The following COL6A6 variants were observed in gnomAD, a reference collection of about 807,000 sequenced individuals.
COL6A6 encodes the protein collagen alpha-6(VI) chain.
COL6A6 carries 183 observed loss-of-function variants against 208.6 expected under a neutral mutation model. The observed-to-expected ratio is 0.88, with a 90% CI of 0.78 to 0.99. COL6A6 has a LOEUF of 0.99. Among genes scored for constraint, COL6A6 ranks in the 50% least tolerant of loss-of-function variants. The pLI is 0.00. For synonymous variants in COL6A6, 973 were observed against 1,011.8 expected (o/e 0.96, Z 0.73); for missense variants, 2,816 against 2,815.2 (o/e 1.00, Z -0.01).
In COL6A6 at chr3:130,588,044, T is replaced by C. The variant is rs540610375; in HGVS notation, c.4126-1046T>C. On this transcript the variant is annotated intron_variant, in intron 11 of 36. Transcript: ENST00000358511. The stretch of plus-strand genomic sequence containing the variant: ...TAGTAATAGATTTGATGCTGTAGAA[T>C]TTTGGTGATCCAAAGAAAATTGATG... Among the ~76,000 whole-genome samples, 12 of 152,338 alleles carry C rather than the reference T, an allele frequency of 7.9e-5. No homozygotes were observed. The East Asian group carries it at 2.3e-3, about 29-fold the overall frequency.
At position 130,662,068 on chromosome 3, in the gene COL6A6, A is replaced by C; in HGVS notation, c.6262A>C (p.Ile2088Leu). ...GAGAAGAAACAAAGTCATATTTGTG[A>C]TATCTGCTGGGGAAACCAGCCACTT... The part of the protein sequence containing the change: ...NLRRNKVIFV[I>L]SAGETSHLDG... Residue 2088 changes from isoleucine (I) to leucine (L), a missense_variant, in exon 35 of 37, where the codon ATA becomes CTA. Physicochemically the swap from Ile to Leu is conservative, Grantham distance 5 (BLOSUM62 2). Transcript: ENST00000358511. 1 of 1,614,030 alleles carries C rather than the reference A, an allele frequency of 6.2e-7. No homozygotes were observed. Among genetic ancestry groups the C allele is most frequent in the South Asian group, 1.1e-5 (1 of 91,088 alleles).
chr3:130,621,905 C>A, intron 24 of COL6A6, 22 bp downstream of exon 24: 1 of 1,602,172 alleles, frequency 6.2e-7, no homozygotes, highest in Non-Finnish European at 8.6e-7. Flanking sequence ...TCTTTATACT[C>A]ACCAAAGTTG....
intron 29 of COL6A6, 53 bp from the exon 30 acceptor site, chr3:130,642,779 T>A (rs1278125730): frequency 5.9e-6 from 9 of 1,521,658 alleles, no homozygotes; most frequent in South Asian, 2.3e-5. Flanking sequence ...GCACACTGGC[T>A]ACTGATGTGT....
intron 1 of COL6A6, among the ~76,000 whole-genome samples, chr3:130,530,895 A>G (rs1271997228): frequency 6.6e-6 from 1 of 151,762 alleles, no homozygotes; most frequent in East Asian, 1.9e-4. Context: ...GGCAACATCA[A>G]CTCCTGCTGG....
chr3:130,667,627 T>C (rs781131528), intron 36 of COL6A6, among the ~76,000 whole-genome samples: 2 of 152,188 alleles, frequency 1.3e-5, no homozygotes, highest in Non-Finnish European at 2.9e-5. Flanking sequence ...AATAAAACAT[T>C]TCACCTGGTG....
At chr3:130,634,716 GATAA>G (rs1363066440) in intron 27 of COL6A6, 91 bp downstream of exon 27, 1 of 922,150 alleles carries the variant, frequency 1.1e-6, no homozygotes, top group Admixed American at 2.6e-5. Flanking sequence ...AACAGTTAAT[GATAA>G]ATAAATGTCC....
intron 33 of COL6A6, among the ~76,000 whole-genome samples, chr3:130,653,244 A>C (rs2065696156): frequency 6.6e-6 from 1 of 152,122 alleles, no homozygotes; most frequent in South Asian, 2.1e-4. Flanking sequence ...TATGTCTTTT[A>C]GCTAGCCTGG....
intron 5 of COL6A6, among the ~76,000 whole-genome samples, chr3:130,567,465 G>C (rs1320179452): frequency 6.6e-6 from 1 of 152,154 alleles, no homozygotes; most frequent in Non-Finnish European, 1.5e-5. Context: ...AAAATATTTG[G>C]AGGAATTTCC....
chr3:130,599,778 C>A lies in COL6A6; in HGVS notation c.4621C>A (p.Pro1541Thr). Reference protein sequence around the residue: ...GRQGRRGWPGPPGTPGSRRKT... With the variant: ...GRQGRRGWPGTPGTPGSRRKT... Reference sequence around the variant, plus strand: ...ACAGGGCAGAAGAGGCTGGCCAGGCCCCCCCGGGACACCAGGCTCCAGAAG... The same window carrying A: ...ACAGGGCAGAAGAGGCTGGCCAGGCACCCCCGGGACACCAGGCTCCAGAAG... Residue 1541 changes from proline (P) to threonine (T), a missense_variant, in exon 20 of 37, where the codon CCC becomes ACC. Transcript: ENST00000358511. 1.9e-6 allele frequency: 3 copies of A among 1,613,638 alleles called. No homozygotes were observed. In the South Asian group the frequency reaches 3.3e-5, roughly 18 times the overall value.
rs2063798291 is a variant in COL6A6 at position 130,594,522 on chromosome 3, GA to G, written c.4533+180del. ...TCCTCTTCATATACTGAATGAGTAT[GA>G]GCAGTAAAAAGCCCTTACATGTCTT... On this transcript the variant is annotated intron_variant, in intron 18 of 36. Transcript: ENST00000358511. 8 of 489,242 alleles carry G rather than the reference GA, an allele frequency of 1.6e-5. No homozygotes were observed. In the East Asian group the frequency reaches 2.3e-4, roughly 14 times the overall value. The allele number at this position is 489,242 out of a possible 1,614,324, so 30.3% of individuals were successfully genotyped here. A position where few individuals can be genotyped will look rare whatever the true frequency, so the allele number is the denominator to read the frequency against.
Position 130,649,085 on chromosome 3 carries a change from A to G in COL6A6, c.5256A>G (p.Pro1752=). The stretch of plus-strand genomic sequence containing the variant: ...GTCTTTTAGGAAAACCGGAATGCCC[A>G]GTGCACCCAACCGAGTTGGTGTTTG... The part of the protein sequence containing the change: ...SPGRHGKPEC[P]VHPTELVFAL... The change falls in exon 33 of 37, where the codon CCA becomes CCG. Residue 1752 remains proline, a synonymous_variant. Coordinates refer to ENST00000358511, the MANE Select transcript of COL6A6 (RefSeq NM_001102608.3). 1.3e-6 allele frequency: 2 copies of G among 1,568,392 alleles called. No individual in the cohort carries two copies. The highest frequency in any genetic ancestry group is 1.7e-6 in the Non-Finnish European group (2 of 1,155,960).
intron 12 of COL6A6, among the ~76,000 whole-genome samples, chr3:130,589,426 C>T (rs149317448): frequency 9.9e-5 from 15 of 152,186 alleles, no homozygotes; most frequent in African/African-American, 3.6e-4. Context: ...CTTGATTATC[C>T]AGTATTCTAG....
chr3:130,528,468 G>A (rs536195284), intron 1 of COL6A6, among the ~76,000 whole-genome samples: 3 of 152,342 alleles, frequency 2.0e-5, no homozygotes, highest in African/African-American at 4.8e-5. Flanking sequence ...TATAAAGAGT[G>A]AGATAATAAA....
At chr3:130,547,794 TTTTA>T (rs542900365) in intron 1 of COL6A6, among the ~76,000 whole-genome samples, 8 of 152,208 alleles carry the variant, frequency 5.3e-5, no homozygotes, top group Admixed American at 3.3e-4. Flanking sequence ...ATCCTAGTTG[TTTTA>T]TTTATTTATT....
At chr3:130,651,284 G>C (rs2065635961) in intron 33 of COL6A6, among the ~76,000 whole-genome samples, 1 of 152,072 alleles carries the variant, frequency 6.6e-6, no homozygotes, top group Non-Finnish European at 1.5e-5. Context: ...AAATTAGCCA[G>C]GCACAGTGGC....
At chr3:130,518,855 C>G (rs1710899458) in intron 1 of COL6A6, among the ~76,000 whole-genome samples, 1 of 151,966 alleles carries the variant, frequency 6.6e-6, no homozygotes, top group South Asian at 2.1e-4. Context: ...AAAAAAATAC[C>G]GTGCCTCAAA....
intron 1 of COL6A6, among the ~76,000 whole-genome samples, chr3:130,541,576 A>C (rs1452508425): frequency 2.0e-5 from 3 of 152,196 alleles, no homozygotes; most frequent in African/African-American, 7.2e-5. Context: ...TGAGCAATGA[A>C]TCAGAGTTCA....
intron 24 of COL6A6, among the ~76,000 whole-genome samples, chr3:130,624,742 C>A (rs777478700): frequency 1.3e-5 from 2 of 152,032 alleles, no homozygotes; most frequent in Admixed American, 6.6e-5. Context: ...GGTCAGGGGT[C>A]GGGGGCAGGT....
At chr3:130,667,549 C>T (rs2066106578) in intron 36 of COL6A6, among the ~76,000 whole-genome samples, 1 of 152,040 alleles carries the variant, frequency 6.6e-6, no homozygotes, top group Non-Finnish European at 1.5e-5. Context: ...TAAACAAATG[C>T]ATTTTTAAGT....
Sources: allele counts gnomAD v4.1 joint callset (sites outside exome capture counted in the v4.1 genomes callset), GRCh38; gene constraint gnomAD v4.1.1; transcripts MANE v1.5; gene names NCBI Gene and HGNC (gene_info 2026-07-23, HGNC 2026-07-21).